The following RANBP10 variants were observed in gnomAD, a reference collection of about 807,000 sequenced individuals.
The protein encoded by RANBP10 is ran-binding protein 10.
In RANBP10, 24 loss-of-function variants were observed where a neutral mutation model predicts 72.8. The observed-to-expected ratio is 0.33, with a 90% CI of 0.24 to 0.46. The LOEUF is 0.46. Among genes scored for constraint, RANBP10 ranks in the 20% least tolerant of loss-of-function variants. The pLI is 1.00. For missense variants in RANBP10, 679 were observed against 817.5 expected, an observed-to-expected ratio of 0.83 and a Z score of 2.07; for synonymous variants, 310 against 322.3, an observed-to-expected ratio of 0.96 and a Z score of 0.41.
At position 67,730,019 on chromosome 16, in the gene RANBP10, CG is replaced by C; in HGVS notation, c.916del (p.Arg306ValfsTer36). Reference sequence around the variant, plus strand: ...GGTGGTCTCGATGGCCTCGCCCACACGGCCCTCCAGCACCAGCTTCTGGATC... The same window carrying C: ...GGTGGTCTCGATGGCCTCGCCCACACGCCCTCCAGCACCAGCTTCTGGATC... ...QKIQKLVLEG[R>X]VGEAIETTQR... On this transcript the variant is annotated frameshift_variant, in exon 8 of 14. Coordinates refer to ENST00000317506, the MANE Select transcript of RANBP10 (RefSeq NM_020850.3). LOFTEE classifies it high-confidence loss of function. The surrounding 1 kb of genome is among the most constrained non-coding windows in gnomAD (Gnocchi z 4.3). 6.2e-7 allele frequency: 1 copy of C among 1,613,040 alleles called. No homozygotes were observed. Among genetic ancestry groups the C allele is most frequent in the African/African-American group, 1.3e-5 (1 of 75,058 alleles).
At chr16:67,737,812 G>A (rs1429645121) in intron 5 of RANBP10, among the ~76,000 whole-genome samples, 1 of 152,106 alleles carries the variant, frequency 6.6e-6, no homozygotes, top group African/African-American at 2.4e-5. Context: ...GCTAAGAGTC[G>A]TAGGAAGACC....
At chr16:67,784,767 C>T (rs756767210) in intron 2 of RANBP10, among the ~76,000 whole-genome samples, 22 of 150,880 alleles carry the variant, frequency 1.5e-4, no homozygotes, top group Admixed American at 2.6e-4. Context: ...TGCAGTAAGC[C>T]GAGATTGAGC....
intron 2 of RANBP10, among the ~76,000 whole-genome samples, chr16:67,778,026 C>T (rs1175040563): frequency 3.3e-5 from 5 of 152,264 alleles, no homozygotes; most frequent in East Asian, 1.9e-4. Flanking sequence ...CAACAAATAA[C>T]GCTGGGACAT....
At position 67,738,003 on chromosome 16, in the gene RANBP10, T is replaced by C. The variant is rs762907716; in HGVS notation, c.591+10A>G. The C allele has an allele frequency of 8.2e-6, 13 of 1,586,266 alleles. 1 individual carries two copies. The South Asian group carries it at 1.3e-4, about 15-fold the overall frequency. ...AACCCAGGAGGGGAAGACTCAATAG[T>C]AGTACTCACCGGGAGGTCTGTGAAG... is the stretch of plus-strand genomic sequence containing the variant. On this transcript the variant is annotated intron_variant, in intron 5 of 13. Transcript: ENST00000317506.
At chr16:67,787,518 C>T (rs1335899488) in intron 2 of RANBP10, among the ~76,000 whole-genome samples, 1 of 152,140 alleles carries the variant, frequency 6.6e-6, no homozygotes, top group Non-Finnish European at 1.5e-5. Context: ...CCCAGCAATA[C>T]CATTCTTAGG....
At chr16:67,774,368 T>G (rs996766754) in intron 2 of RANBP10, among the ~76,000 whole-genome samples, 3 of 152,180 alleles carry the variant, frequency 2.0e-5, no homozygotes, top group Non-Finnish European at 2.9e-5. Context: ...AGGGCTCTGG[T>G]TCCACAACAT....
In RANBP10 at chr16:67,728,412, C is replaced by T. The variant is rs1179273355; in HGVS notation, c.1452G>A (p.Leu484=). The T allele has an allele frequency of 1.2e-6, 2 of 1,614,194 alleles. No individual in the cohort carries two copies. Among genetic ancestry groups the T allele is most frequent in the Non-Finnish European group, 1.7e-6 (2 of 1,180,028 alleles). ...IVNGAYKHED[L]QTDESSMDDR... is the part of the protein sequence containing the mutation. ...CACCCATGCTGGACTCATCCGTCTG[C>T]AGGTCCTCATGCTTGTAGGCACCAT... Residue 484 remains leucine, a synonymous_variant, in exon 11 of 14, where the codon CTG becomes CTA. Coordinates refer to ENST00000317506, the MANE Select transcript of RANBP10 (RefSeq NM_020850.3).
In RANBP10 at chr16:67,805,456, C is replaced by T. The variant is rs189620738; in HGVS notation, c.319G>A (p.Val107Met). The T allele has an allele frequency of 6.8e-6, 11 of 1,614,148 alleles. No individual in the cohort carries two copies. The highest frequency in any genetic ancestry group is 1.3e-5 in the African/African-American group (1 of 75,056). The change falls in exon 2 of 14, where the codon GTG becomes ATG. Residue 107 changes from valine to methionine, a missense_variant. Coordinates refer to ENST00000317506, the MANE Select transcript of RANBP10 (RefSeq NM_020850.3). ...PAACGIYYFE[V>M]KIVSKGRDGY... The stretch of plus-strand genomic sequence containing the variant: ...TCTCTTCCTTTGCTGACAATCTTCA[C>T]TTCAAAGTAATAAATGCCACAGGCA...
At chr16:67,768,827 C>T (rs1233898283) in intron 3 of RANBP10, among the ~76,000 whole-genome samples, 2 of 152,174 alleles carry the variant, frequency 1.3e-5, no homozygotes, top group African/African-American at 2.4e-5. Flanking sequence ...TGATACAGGG[C>T]CATTTGCTTT....
At chr16:67,759,755 G>T (rs1483789718) in intron 3 of RANBP10, 1 of 152,296 alleles carries the variant, frequency 6.6e-6, no homozygotes, top group Non-Finnish European at 1.5e-5. Flanking sequence ...GGAAAGAAGT[G>T]GTGCCTATTT....
intron 3 of RANBP10, among the ~76,000 whole-genome samples, chr16:67,761,867 G>A (rs115854864): frequency 0.041 from 6,307 of 152,124 alleles, 354 homozygotes; most frequent in African/African-American, 0.13. Flanking sequence ...CACCGTGCCC[G>A]GACATACATA....
intron 2 of RANBP10, among the ~76,000 whole-genome samples, chr16:67,773,158 T>C (rs918315195): frequency 1.3e-5 from 2 of 152,204 alleles, no homozygotes; most frequent in African/African-American, 4.8e-5. Flanking sequence ...GATAGATCCT[T>C]CATGAATGTC....
intron 2 of RANBP10, among the ~76,000 whole-genome samples, chr16:67,780,762 G>A (rs150232256): frequency 3.4e-4 from 52 of 152,314 alleles, no homozygotes; most frequent in Admixed American, 2.0e-3. Flanking sequence ...TTTATTGGGT[G>A]GGGGAGGAGC....
At chr16:67,728,843 G>A (rs1001302684) in intron 10 of RANBP10, among the ~76,000 whole-genome samples, 1 of 152,220 alleles carries the variant, frequency 6.6e-6, no homozygotes, top group African/African-American at 2.4e-5. Context: ...CAGCTCTGTG[G>A]CCTTGGTTGG....
At chr16:67,780,881 C>T (rs1443882068) in intron 2 of RANBP10, among the ~76,000 whole-genome samples, 1 of 152,262 alleles carries the variant, frequency 6.6e-6, no homozygotes, top group African/African-American at 2.4e-5. Context: ...GAGTTAGCAG[C>T]AGCCATTCTC....
At chr16:67,794,394 GCTGCTGCACTCCAGC>G (rs1206938365) in intron 2 of RANBP10, among the ~76,000 whole-genome samples, 1 of 151,722 alleles carries the variant, frequency 6.6e-6, no homozygotes, top group East Asian at 2.0e-4. Flanking sequence ...CCGAGGTCAT[GCTGCTGCACTCCAGC>G]CTGGGTGACA....
intron 2 of RANBP10, among the ~76,000 whole-genome samples, chr16:67,776,224 CT>C (rs1400887629): frequency 6.6e-6 from 1 of 150,722 alleles, no homozygotes; most frequent in East Asian, 1.9e-4. Flanking sequence ...CTTTGGGAGG[CT>C]GAGGTCGGCG....
At chr16:67,738,201 C>T (rs1430829362) in intron 4 of RANBP10, among the ~76,000 whole-genome samples, 166 bp from the exon 5 acceptor site, 1 of 152,112 alleles carries the variant, frequency 6.6e-6, no homozygotes, top group African/African-American at 2.4e-5. Context: ...TGCAGTGGTA[C>T]GATCTTGGCT....
intron 2 of RANBP10, among the ~76,000 whole-genome samples, chr16:67,790,486 A>T (rs1021658984): frequency 6.6e-5 from 10 of 151,732 alleles, no homozygotes; most frequent in African/African-American, 2.4e-4. Context: ...CCACACACAC[A>T]TACACAGAGA....
Sources: gnomAD v4.1 joint callset for allele counts (sites outside exome capture counted in the v4.1 genomes callset) on GRCh38, gnomAD v4.1.1 for gene constraint, Gnocchi (gnomAD v3.1) non-coding constraint, MANE v1.5 for transcripts, NCBI Gene and HGNC (gene_info 2026-07-23, HGNC 2026-07-21) for gene names.